SPATA13: variants seen among roughly 807,000 people sequenced by gnomAD.
SPATA13 encodes spermatogenesis associated 13.
A neutral mutation model predicts 104.0 loss-of-function variants in SPATA13; 50 were observed. The observed-to-expected ratio is 0.48, with a 90% CI of 0.38 to 0.61. The LOEUF (loss-of-function observed/expected upper bound fraction) is 0.61, where lower values mean the gene tolerates loss of function less well. SPATA13 is among the 20% of genes least tolerant of loss of function. The pLI is 0.00. For missense variants in SPATA13, 1,524 were observed against 1,690.6 expected (o/e 0.90, Z 1.73); for synonymous variants, 606 against 667.5 (o/e 0.91, Z 1.42).
chr13:24,214,540 G>A (rs1402392304), intron 1 of SPATA13, among the ~76,000 whole-genome samples: 1 of 152,224 alleles, frequency 6.6e-6, no homozygotes, highest in African/African-American at 2.4e-5. Context: ...GATGTTGTGT[G>A]ACTAGCACAG....
chr13:24,080,526 GCA>G (rs879532134), intron 3 of SPATA13, among the ~76,000 whole-genome samples: 3 of 152,186 alleles, frequency 2.0e-5, no homozygotes, highest in Non-Finnish European at 4.4e-5. Context: ...GGATCACTGC[GCA>G]CACACAGCAG....
At chr13:24,046,298 C>CTT (rs58600844) in intron 3 of SPATA13, among the ~76,000 whole-genome samples, 137,013 of 145,422 alleles carry the variant, frequency 0.94, 64,903 homozygotes, top group East Asian at 0.99. Context: ...TTTCTTTTGC[C>CTT]TTTTTTTTTT....
intron 3 of SPATA13, among the ~76,000 whole-genome samples, chr13:24,053,924 G>A (rs1029180990): frequency 1.3e-5 from 2 of 152,212 alleles, no homozygotes; most frequent in African/African-American, 2.4e-5. Context: ...CAAAGGAAGT[G>A]TTATTATGGG....
At chr13:24,247,860 G>A (rs1199779561) in intron 2 of SPATA13, among the ~76,000 whole-genome samples, 1 of 152,084 alleles carries the variant, frequency 6.6e-6, no homozygotes, top group East Asian at 1.9e-4. Flanking sequence ...CCTGGGGCCC[G>A]GGGTCTCTTG....
At chr13:24,038,552 G>A (rs966814227) in intron 3 of SPATA13, among the ~76,000 whole-genome samples, 1 of 152,148 alleles carries the variant, frequency 6.6e-6, no homozygotes. Flanking sequence ...ATCCAACTCA[G>A]GGTCAGCAGA....
chr13:24,098,180 G>C (rs953732710), intron 3 of SPATA13, among the ~76,000 whole-genome samples: 7 of 151,926 alleles, frequency 4.6e-5, no homozygotes, highest in East Asian at 1.9e-4. Flanking sequence ...AGACATGAAA[G>C]AATAAAACTC....
intron 3 of SPATA13, among the ~76,000 whole-genome samples, chr13:24,120,965 A>G (rs1315450892): frequency 6.6e-6 from 1 of 152,174 alleles, no homozygotes; most frequent in Admixed American, 6.5e-5. Context: ...CTGAGGAATA[A>G]AACTGCAAGA....
At chr13:24,020,601 A>G (rs561789661) in intron 3 of SPATA13, among the ~76,000 whole-genome samples, 6 of 152,326 alleles carry the variant, frequency 3.9e-5, no homozygotes, top group African/African-American at 1.4e-4. Flanking sequence ...ATAAAATTTA[A>G]CTTACATTGT....
At chr13:24,139,245 A>G (rs1156975461) in intron 3 of SPATA13, among the ~76,000 whole-genome samples, 1 of 152,182 alleles carries the variant, frequency 6.6e-6, no homozygotes, top group Non-Finnish European at 1.5e-5. Context: ...TAAGGACACC[A>G]GTCAGTTTCG....
Position 24,116,538 on chromosome 13 carries a change from A to T in SPATA13, c.-112+98837A>T, listed in dbSNP as rs182741773. On this transcript the variant is annotated intron_variant, in intron 3 of 14. Coordinates refer to the SPATA13 transcript ENST00000424834. ...GCCTTGCACTCATCTCCTGCACTTG[A>T]TCTTCATTATCTCAGGCAGTCCCCA... is the stretch of plus-strand genomic sequence containing the variant. Among the ~76,000 whole-genome samples, 4 of 152,124 alleles carry T rather than the reference A, an allele frequency of 2.6e-5. No homozygotes were observed. The East Asian group carries it at 7.7e-4, about 29-fold the overall frequency.
At chr13:24,126,036 G>A (rs1881203705) in intron 3 of SPATA13, among the ~76,000 whole-genome samples, 2 of 152,176 alleles carry the variant, frequency 1.3e-5, no homozygotes, top group African/African-American at 4.8e-5. Context: ...GGAGCCAGGA[G>A]CCCTGTATCA....
intron 3 of SPATA13, among the ~76,000 whole-genome samples, chr13:24,106,672 A>C (rs141374781): frequency 1.8e-3 from 270 of 152,334 alleles, no homozygotes; most frequent in African/African-American, 6.2e-3. Flanking sequence ...TCTGGGGCCG[A>C]CAGAGCTGGC....
chr13:24,283,264 G>A (rs932340462), intron 4 of SPATA13, among the ~76,000 whole-genome samples: 2 of 152,140 alleles, frequency 1.3e-5, no homozygotes, highest in African/African-American at 2.4e-5. Flanking sequence ...ATCAGAATTC[G>A]GGTTTTATTG....
At chr13:24,191,381 C>A (rs1869734943) in intron 1 of SPATA13, among the ~76,000 whole-genome samples, 1 of 151,882 alleles carries the variant, frequency 6.6e-6, no homozygotes, top group Non-Finnish European at 1.5e-5. Context: ...ATTGGGAAAC[C>A]AAAAACTTTG....
chr13:24,275,767 C>G (rs1173158060), intron 4 of SPATA13, among the ~76,000 whole-genome samples: 1 of 152,196 alleles, frequency 6.6e-6, no homozygotes, highest in Non-Finnish European at 1.5e-5. Flanking sequence ...AACCCCATCT[C>G]TACTAAAAAT....
At chr13:24,249,389 C>G in intron 2 of SPATA13, 88 bp from the exon 3 acceptor site, 1 of 1,418,058 alleles carries the variant, frequency 7.1e-7, no homozygotes, top group African/African-American at 1.4e-5. Context: ...CGAGGCACGG[C>G]TGTGGTGGTG....
At chr13:24,098,788 A>G (rs9580867) in intron 3 of SPATA13, among the ~76,000 whole-genome samples, 2,643 of 151,680 alleles carry the variant, frequency 0.017, 88 homozygotes, top group African/African-American at 0.06. Context: ...TTAGCTGGGC[A>G]TTTTGGTGCG....
chr13:24,254,118 C>A (rs892431636), intron 4 of SPATA13, among the ~76,000 whole-genome samples: 1 of 152,132 alleles, frequency 6.6e-6, no homozygotes, highest in Non-Finnish European at 1.5e-5. Flanking sequence ...CAAAAGCCAT[C>A]CCCATTTTCC....
Position 24,092,364 on chromosome 13 carries a change from A to G in SPATA13, c.-112+74663A>G, listed in dbSNP as rs116179044. Among the ~76,000 whole-genome samples the G allele has an allele frequency of 7.4e-3, 1,122 of 152,324 alleles. 24 individuals carry two copies. The highest frequency in any genetic ancestry group is 0.026 in the African/African-American group (1,062 of 41,570). ...TTATTTTACTTATTTCTCATACCCC[A>G]TAGTAGGCCTTTATTACTGCCTTGC... is the stretch of plus-strand genomic sequence containing the variant. On this transcript the variant is annotated intron_variant, in intron 3 of 14. Coordinates refer to the SPATA13 transcript ENST00000424834.
Sources: gnomAD v4.1 joint callset for allele counts (sites outside exome capture counted in the v4.1 genomes callset) on GRCh38, gnomAD v4.1.1 for gene constraint, MANE v1.5 for transcripts, NCBI Gene and HGNC (gene_info 2026-07-23, HGNC 2026-07-21) for gene names.